Variants in ZBTB5 observed in about 807,000 individuals in gnomAD.
ZBTB5 encodes zinc finger and BTB domain-containing protein 5.
A neutral mutation model predicts 37.9 loss-of-function variants in ZBTB5; 15 were observed. That is an observed-to-expected ratio of 0.40 (90% confidence interval 0.26 to 0.61). ZBTB5 has a LOEUF of 0.61. ZBTB5 is among the 20% of genes least tolerant of loss of function. The pLI, the probability that ZBTB5 is intolerant of heterozygous loss-of-function variation, is 0.47. For missense variants in ZBTB5, 708 were observed against 856.8 expected (o/e 0.83, Z 2.17); for synonymous variants, 315 against 312.4 (o/e 1.01, Z -0.09).
At chr9:37,464,247 A>G (rs1022561533) in intron 1 of ZBTB5, among the ~76,000 whole-genome samples, 1 of 152,252 alleles carries the variant, frequency 6.6e-6, no homozygotes, top group Non-Finnish European at 1.5e-5. Flanking sequence ...TTCAACCTCT[A>G]AAGAAAAGCC....
At chr9:37,448,767 C>A (rs1314556867) in intron 1 of ZBTB5, among the ~76,000 whole-genome samples, 1 of 152,222 alleles carries the variant, frequency 6.6e-6, no homozygotes, top group African/African-American at 2.4e-5. Flanking sequence ...ACGATTACAG[C>A]CGGGCACAGT....
chr9:37,457,688 GA>G (rs1824216877), intron 1 of ZBTB5, among the ~76,000 whole-genome samples: 1 of 152,266 alleles, frequency 6.6e-6, no homozygotes, highest in South Asian at 2.1e-4. Context: ...CATAAGAGGT[GA>G]AAGAACCTCT....
chr9:37,460,373 T>C (rs1346563087), intron 1 of ZBTB5, among the ~76,000 whole-genome samples: 3 of 149,664 alleles, frequency 2.0e-5, no homozygotes, highest in Non-Finnish European at 4.4e-5. Flanking sequence ...GAGGTGGAGG[T>C]TGCAGTGAGC....
rs1327498527 is a variant in ZBTB5, at chr9:37,441,249, T to C, written c.1303A>G (p.Thr435Ala). The C allele has an allele frequency of 6.2e-7, 1 of 1,614,206 alleles. No individual in the cohort carries two copies. The highest frequency in any genetic ancestry group is 8.5e-7 in the Non-Finnish European group (1 of 1,180,050). ...QNNDDNIPNT[T>A]SDCRLESEAP... ...TCACTCTCCAGCCTGCAGTCACTAGTGGTGTTTGGAATATTATCATCATTG... is the reference window on the plus strand; with the variant it reads ...TCACTCTCCAGCCTGCAGTCACTAGCGGTGTTTGGAATATTATCATCATTG... The change falls in exon 2 of 2, where the codon ACT becomes GCT. Residue 435 changes from threonine to alanine, a missense_variant. Transcript: ENST00000307750.
chr9:37,460,210 G>C (rs1824264758), intron 1 of ZBTB5, among the ~76,000 whole-genome samples: 1 of 152,008 alleles, frequency 6.6e-6, no homozygotes. Flanking sequence ...GGCCGAGGCG[G>C]GTGGATCAAC....
Position 37,438,934 on chromosome 9 carries a change from CAT to C in ZBTB5, c.*1582_*1583del, listed in dbSNP as rs768930898. 7.2e-5 allele frequency: 11 copies of C among 152,216 alleles called. No homozygotes were observed. Among genetic ancestry groups the C allele is most frequent in the Non-Finnish European group, 1.0e-4 (7 of 68,032 alleles). 9.4% of individuals were successfully genotyped at this position (152,216 alleles called of 1,614,324 possible). A position where few individuals can be genotyped will look rare whatever the true frequency, so the allele number is the denominator to read the frequency against. Reference sequence around the variant, plus strand: ...CCCCTGGAACATGAAATTATCCACACATGTGTAACTGCACACTCTAGATTAAC... The same window carrying C: ...CCCCTGGAACATGAAATTATCCACACGTGTAACTGCACACTCTAGATTAAC... On this transcript the variant is annotated 3_prime_UTR_variant, in exon 2 of 2. Coordinates refer to ENST00000307750, the MANE Select transcript of ZBTB5 (RefSeq NM_014872.3).
intron 1 of ZBTB5, among the ~76,000 whole-genome samples, chr9:37,450,033 T>C (rs546861610): frequency 6.6e-6 from 1 of 152,258 alleles, no homozygotes; most frequent in East Asian, 1.9e-4. Context: ...ATGTGCTATA[T>C]AAACGTCACA....
At chr9:37,462,568 T>G (rs1489227027) in intron 1 of ZBTB5, among the ~76,000 whole-genome samples, 11 of 145,058 alleles carry the variant, frequency 7.6e-5, no homozygotes, top group Admixed American at 1.3e-4. Flanking sequence ...AACCGTTTTT[T>G]TTTTTTTTTT....
In ZBTB5 at chr9:37,441,670, C is replaced by T. The variant is rs1823879040; in HGVS notation, c.882G>A (p.Gln294=). The change falls in exon 2 of 2, where the codon CAG becomes CAA. Residue 294 remains glutamine (Q), a synonymous_variant. Transcript: ENST00000307750. Reference sequence around the variant, plus strand: ...CTTCCTGATCAAAACTAGTCTCAACCTGAGTTGCACGAGAGGCCATGGACA... The same window carrying T: ...CTTCCTGATCAAAACTAGTCTCAACTTGAGTTGCACGAGAGGCCATGGACA... ...AQLSMASRAT[Q]VETSFDQEAA... 1.2e-6 allele frequency: 2 copies of T among 1,613,780 alleles called. No homozygotes were observed. Among genetic ancestry groups the T allele is most frequent in the African/African-American group, 1.3e-5 (1 of 74,816 alleles).
rs1224258464 is a variant in ZBTB5 at position 37,442,627 on chromosome 9, GAA to G, written c.-4-74_-4-73del. The G allele has an allele frequency of 1.3e-5, 16 of 1,257,742 alleles. No individual in the cohort carries two copies. The South Asian group carries it at 1.8e-4, about 14-fold the overall frequency. The allele number at this position is 1,257,742 out of a possible 1,614,324, so 77.9% of individuals were successfully genotyped here. A position where few individuals can be genotyped will look rare whatever the true frequency, so the allele number is the denominator to read the frequency against. ...AAAGTCAGAACACAAAGGGTATGAT[GAA>G]AAGAGTGGAATGGATGGCCAAGCTT... On this transcript the variant is annotated intron_variant, in intron 1 of 1. Coordinates refer to ENST00000307750, the MANE Select transcript of ZBTB5 (RefSeq NM_014872.3).
chr9:37,464,230 C>G (rs752451501), intron 1 of ZBTB5, among the ~76,000 whole-genome samples: 2 of 152,232 alleles, frequency 1.3e-5, no homozygotes, highest in Non-Finnish European at 2.9e-5. Flanking sequence ...TAAGGCACAG[C>G]ATTCTCTTCA....
Position 37,441,703 on chromosome 9 carries a change from C to A in ZBTB5, c.849G>T (p.Met283Ile), listed in dbSNP as rs574932954. 6.2e-7 allele frequency: 1 copy of A among 1,613,922 alleles called. No homozygotes were observed. Among genetic ancestry groups the A allele is most frequent in the East Asian group, 2.2e-5 (1 of 44,860 alleles). The change falls in exon 2 of 2, where the codon ATG (methionine) becomes ATT (isoleucine). Residue 283 changes from methionine to isoleucine, a missense_variant. By Grantham distance (10) the Met-to-Ile change is conservative (BLOSUM62 1). Around this residue, in one of 3 missense-constraint regions of ZBTB5, gnomAD observed 639 missense variants for 690.5 expected, o/e 0.93. Coordinates refer to ENST00000307750, the MANE Select transcript of ZBTB5 (RefSeq NM_014872.3). ...PSQSDNSAGN[M>I]AQLSMASRAT... is the part of the protein sequence containing the mutation. ...CACGAGAGGCCATGGACAACTGTGC[C>A]ATGTTGCCAGCACTGTTATCAGACT...
At chr9:37,442,626 T>A (rs1823907325) in intron 1 of ZBTB5, 71 bp from the exon 2 acceptor site, 1 of 1,281,074 alleles carries the variant, frequency 7.8e-7, no homozygotes, top group African/African-American at 1.5e-5. Flanking sequence ...AAGGGTATGA[T>A]GAAAAGAGTG....
Position 37,440,818 on chromosome 9 carries a change from C to G in ZBTB5, c.1734G>C (p.Gln578His), listed in dbSNP as rs200813393. 1 of 1,614,164 alleles carries G rather than the reference C, an allele frequency of 6.2e-7. No homozygotes were observed. The highest frequency in any genetic ancestry group is 8.5e-7 in the Non-Finnish European group (1 of 1,180,030). The change falls in exon 2 of 2, where the codon CAG (glutamine) becomes CAC (histidine). Residue 578 changes from glutamine (Q) to histidine (H), a missense_variant. Coordinates refer to ENST00000307750, the MANE Select transcript of ZBTB5 (RefSeq NM_014872.3). Reference protein sequence around the residue: ...TSSFENGHPSQPGPPQLTRAS... With the variant: ...TSSFENGHPSHPGPPQLTRAS... ...CCCTGGTCAACTGTGGAGGGCCAGG[C>G]TGGGAAGGATGGCCATTTTCAAATG...
intron 1 of ZBTB5, among the ~76,000 whole-genome samples, chr9:37,463,816 G>C (rs1824338405): frequency 6.6e-6 from 1 of 152,068 alleles, no homozygotes; most frequent in South Asian, 2.1e-4. Flanking sequence ...TAGGGAAAAG[G>C]GGCAAATCTC....
chr9:37,442,518 G>A lies in ZBTB5; in HGVS notation c.34C>T (p.Gln12Ter). ...TGAAGTCTCTGGTAGTTCAGCTGCTGGAAGATTTGTTCAAAGTGACCAGGA... is the reference window on the plus strand; with the variant it reads ...TGAAGTCTCTGGTAGTTCAGCTGCTAGAAGATTTGTTCAAAGTGACCAGGA... ...DFPGHFEQIF[Q>*]QLNYQRLHGQ... The change falls in exon 2 of 2, where the codon CAG (glutamine) becomes TAG (stop). Residue 12 changes from glutamine (Q) to a stop codon, truncating the protein, a stop_gained. Transcript: ENST00000307750. LOFTEE classifies it high-confidence loss of function. The A allele has an allele frequency of 6.2e-7, 1 of 1,606,392 alleles. No individual in the cohort carries two copies. The highest frequency in any genetic ancestry group is 8.5e-7 in the Non-Finnish European group (1 of 1,173,962).
At position 37,439,938 on chromosome 9, in the gene ZBTB5, G is replaced by C. The variant is rs558888266; in HGVS notation, c.*580C>G. The C allele has an allele frequency of 6.4e-6, 1 of 155,416 alleles. No homozygotes were observed. The highest frequency in any genetic ancestry group is 6.3e-5 in the Admixed American group (1 of 15,860). 9.6% of individuals were successfully genotyped at this position (155,416 alleles called of 1,614,324 possible). On this transcript the variant is annotated 3_prime_UTR_variant, in exon 2 of 2. Coordinates refer to ENST00000307750, the MANE Select transcript of ZBTB5 (RefSeq NM_014872.3). ...CAAGAGAATGCTCACTCTGGACCCA[G>C]TGTCAGCACCAAAGTGCAGTGTTTA...
chr9:37,439,729 A>G lies in ZBTB5; in HGVS notation c.*789T>C, dbSNP rs1168313126. On this transcript the variant is annotated 3_prime_UTR_variant, in exon 2 of 2. Transcript: ENST00000307750. The stretch of plus-strand genomic sequence containing the variant: ...CACAAGTCTTTTCTGACTTCCTAAC[A>G]TGGAACTGTAACATCTGTAATACAA... The G allele has an allele frequency of 1.3e-5, 2 of 152,228 alleles. No homozygotes were observed. Among genetic ancestry groups the G allele is most frequent in the African/African-American group, 2.4e-5 (1 of 41,454 alleles). 9.4% of individuals were successfully genotyped at this position (152,228 alleles called of 1,614,324 possible).
At chr9:37,447,037 A>AC (rs1417037883) in intron 1 of ZBTB5, among the ~76,000 whole-genome samples, 1 of 152,204 alleles carries the variant, frequency 6.6e-6, no homozygotes, top group Admixed American at 6.5e-5. Flanking sequence ...TGGGGAATAG[A>AC]CCCAGTGTAT....
Sources: gnomAD v4.1 joint callset for allele counts (sites outside exome capture counted in the v4.1 genomes callset) on GRCh38, gnomAD v4.1.1 for gene constraint, gnomAD v4.1.1 regional missense constraint, MANE v1.5 for transcripts, NCBI Gene and HGNC (gene_info 2026-07-23, HGNC 2026-07-21) for gene names.